Variants in SSBP2 observed in about 807,000 individuals in gnomAD.
The protein encoded by SSBP2 is single stranded DNA binding protein 2.
A neutral mutation model predicts 61.8 loss-of-function variants in SSBP2; 17 were observed. The observed-to-expected ratio is 0.28, with a 90% CI of 0.19 to 0.41. The LOEUF is 0.41. Ranked by LOEUF, SSBP2 falls within the 10% of genes least tolerant of loss-of-function variation. The probability of loss-of-function intolerance (pLI) is 1.00; values close to 1 mark genes in which losing one functional copy is unlikely to be tolerated. For synonymous variants in SSBP2, 139 were observed against 141.3 expected (o/e 0.98, Z 0.12); for missense variants, 310 against 458.7 (o/e 0.68, Z 2.96).
At chr5:81,662,421 C>T (rs934105129) in intron 1 of SSBP2, among the ~76,000 whole-genome samples, 1 of 152,034 alleles carries the variant, frequency 6.6e-6, no homozygotes, top group African/African-American at 2.4e-5. Context: ...GAGCTGAGAT[C>T]GTGCCACTGC....
Position 81,415,683 on chromosome 5 carries a change from C to T in SSBP2, c.*4821G>A, listed in dbSNP as rs1340035066. On this transcript the variant is annotated 3_prime_UTR_variant, in exon 17 of 17. Transcript: ENST00000320672. ...ATCCCAACACTTTGGGAGGCCAAGG[C>T]GGGTGGATCACGAGGTCAGGAGATC... 9 of 151,694 alleles carry T rather than the reference C, an allele frequency of 5.9e-5. No homozygotes were observed. The highest frequency in any genetic ancestry group is 1.7e-4 in the African/African-American group (7 of 41,066). 9.4% of individuals were successfully genotyped at this position (151,694 alleles called of 1,614,324 possible).
intron 1 of SSBP2, among the ~76,000 whole-genome samples, chr5:81,691,487 A>C (rs1261652773): frequency 6.6e-6 from 1 of 152,000 alleles, no homozygotes; most frequent in African/African-American, 2.4e-5. Flanking sequence ...AGATACACAC[A>C]AACTACCAAG....
intron 4 of SSBP2, among the ~76,000 whole-genome samples, chr5:81,552,087 T>C (rs949937155): frequency 6.6e-6 from 1 of 152,216 alleles, no homozygotes; most frequent in Non-Finnish European, 1.5e-5. Context: ...ATATGGCTTA[T>C]TTTGTTTTGT....
intron 4 of SSBP2, among the ~76,000 whole-genome samples, chr5:81,521,102 G>A (rs1769446191): frequency 6.6e-6 from 1 of 151,924 alleles, no homozygotes; most frequent in Admixed American, 6.6e-5. Context: ...CATCTAATGA[G>A]ATGTCCTTTA....
intron 6 of SSBP2, among the ~76,000 whole-genome samples, chr5:81,487,886 TTA>T (rs1458394943): frequency 6.6e-6 from 1 of 150,732 alleles, no homozygotes; most frequent in African/African-American, 2.4e-5. Flanking sequence ...TTTTAAGAGT[TTA>T]CATATAAGTG....
chr5:81,431,512 C>A (rs1762285530), intron 15 of SSBP2, among the ~76,000 whole-genome samples: 1 of 152,072 alleles, frequency 6.6e-6, no homozygotes, highest in African/African-American at 2.4e-5. Context: ...ACCACAAACA[C>A]AATTTCCTCT....
At chr5:81,479,869 T>C (rs1765858832) in intron 6 of SSBP2, among the ~76,000 whole-genome samples, 2 of 152,222 alleles carry the variant, frequency 1.3e-5, no homozygotes, top group African/African-American at 4.8e-5. Flanking sequence ...AAAGGTTTTA[T>C]TGATGCATGA....
intron 1 of SSBP2, among the ~76,000 whole-genome samples, chr5:81,678,825 T>A (rs1278380761): frequency 1.3e-5 from 2 of 152,102 alleles, no homozygotes; most frequent in East Asian, 3.8e-4. Context: ...TGTGAAATTA[T>A]CTTTCAAAAG....
At chr5:81,525,774 A>T (rs1033207768) in intron 4 of SSBP2, among the ~76,000 whole-genome samples, 3 of 152,022 alleles carry the variant, frequency 2.0e-5, no homozygotes, top group Non-Finnish European at 4.4e-5. Context: ...TCCAAGGCAG[A>T]TCTACTTCCT....
In SSBP2 at chr5:81,417,124, C is replaced by T. The variant is rs1386690121; in HGVS notation, c.*3380G>A. On this transcript the variant is annotated 3_prime_UTR_variant, in exon 17 of 17. Coordinates refer to ENST00000320672, the MANE Select transcript of SSBP2 (RefSeq NM_012446.5). ...AGGTGATCTGCCCACCTTGGCCTCC[C>T]AAGTGCTGGGATTACAGGCATGAGT... 1 of 152,142 alleles carries T rather than the reference C, an allele frequency of 6.6e-6. No individual in the cohort carries two copies. Among genetic ancestry groups the T allele is most frequent in the Non-Finnish European group, 1.5e-5 (1 of 68,050 alleles). The allele number at this position is 152,142 out of a possible 1,614,324, so 9.4% of individuals were successfully genotyped here. A position where few individuals can be genotyped will look rare whatever the true frequency, so the allele number is the denominator to read the frequency against.
intron 4 of SSBP2, among the ~76,000 whole-genome samples, chr5:81,610,929 G>A (rs1745378772): frequency 6.6e-6 from 1 of 152,216 alleles, no homozygotes; most frequent in Non-Finnish European, 1.5e-5. Context: ...GGGAGGCGGA[G>A]GTTGTGGTGA....
chr5:81,542,817 T>TTCTCTCTCTCTCTCTC (rs60252222), intron 4 of SSBP2, among the ~76,000 whole-genome samples: 1,382 of 106,660 alleles, frequency 0.013, 62 homozygotes, highest in African/African-American at 0.03. Flanking sequence ...ATTTGACAGT[T>TTCTCTCTCTCTCTCTC]TCTCTCTCTC....
chr5:81,647,361 G>C (rs1374205632), intron 2 of SSBP2, among the ~76,000 whole-genome samples: 2 of 151,902 alleles, frequency 1.3e-5, no homozygotes, highest in African/African-American at 4.8e-5. Flanking sequence ...TTATGTACTA[G>C]GGTTTCCAGA....
At chr5:81,590,798 T>C (rs535664625) in intron 4 of SSBP2, among the ~76,000 whole-genome samples, 2 of 152,290 alleles carry the variant, frequency 1.3e-5, no homozygotes, top group East Asian at 3.9e-4. Context: ...CTCGTAGCTC[T>C]AAAGGTAATA....
intron 4 of SSBP2, among the ~76,000 whole-genome samples, chr5:81,591,033 A>G (rs1775461367): frequency 6.6e-6 from 1 of 152,234 alleles, no homozygotes; most frequent in Admixed American, 6.5e-5. Context: ...GCTGGTAAGC[A>G]TCAAGTAAAA....
chr5:81,742,937 T>G (rs1378485163), intron 1 of SSBP2, among the ~76,000 whole-genome samples: 1 of 152,008 alleles, frequency 6.6e-6, no homozygotes, highest in Non-Finnish European at 1.5e-5. Context: ...AAGAAAAAAG[T>G]CTGCTATGAG....
intron 4 of SSBP2, among the ~76,000 whole-genome samples, chr5:81,521,699 T>A (rs566955703): frequency 2.1e-4 from 32 of 152,154 alleles, no homozygotes; most frequent in African/African-American, 7.7e-4. Flanking sequence ...TCTCTTTAAA[T>A]TACTTGCCTG....
chr5:81,653,117 G>A (rs944955712), intron 1 of SSBP2, among the ~76,000 whole-genome samples: 5 of 151,842 alleles, frequency 3.3e-5, no homozygotes, highest in African/African-American at 4.8e-5. Context: ...CCACCGACAG[G>A]CCCCAGTGTG....
chr5:81,611,587 G>T (rs1745448666), intron 4 of SSBP2, among the ~76,000 whole-genome samples: 1 of 151,912 alleles, frequency 6.6e-6, no homozygotes, highest in South Asian at 2.1e-4. Flanking sequence ...TAAATTTTTT[G>T]ATACTATTGG....
Sources: allele counts gnomAD v4.1 joint callset (sites outside exome capture counted in the v4.1 genomes callset), GRCh38; gene constraint gnomAD v4.1.1; transcripts MANE v1.5; gene names NCBI Gene and HGNC (gene_info 2026-07-23, HGNC 2026-07-21).